Variants in SAMD3 observed in about 807,000 individuals in gnomAD.
The protein encoded by SAMD3 is sterile alpha motif domain containing 3.
Under a neutral mutation model 58.5 loss-of-function variants are expected in SAMD3, and 63 were observed. That is an observed-to-expected ratio of 1.08 (90% CI 0.88 to 1.33). The LOEUF (loss-of-function observed/expected upper bound fraction) is 1.33. Ranked by LOEUF, SAMD3 falls within the 40% of genes most tolerant of loss-of-function variation. The probability of loss-of-function intolerance (pLI) is 0.00; values close to 1 mark genes in which losing one functional copy is unlikely to be tolerated. For missense variants in SAMD3, 604 were observed against 608.4 expected (o/e 0.99, Z 0.08); for synonymous variants, 220 against 210.3 (o/e 1.05, Z -0.40).
At chr6:130,248,712 C>G (rs181138253) in intron 2 of SAMD3, among the ~76,000 whole-genome samples, 2 of 152,190 alleles carry the variant, frequency 1.3e-5, no homozygotes, top group East Asian at 3.9e-4. Flanking sequence ...AAACCATGGG[C>G]AGAACTCTGC....
At chr6:130,264,901 G>T (rs1824811) in intron 2 of SAMD3, among the ~76,000 whole-genome samples, 2 of 151,784 alleles carry the variant, frequency 1.3e-5, no homozygotes, top group Non-Finnish European at 2.9e-5. Context: ...ACTGTAGGGC[G>T]CTGGCAAAGG....
chr6:130,302,984 A>C (rs998366556), intron 2 of SAMD3, among the ~76,000 whole-genome samples: 1 of 152,168 alleles, frequency 6.6e-6, no homozygotes, highest in Admixed American at 6.5e-5. Context: ...TTGGGTGGCG[A>C]GTTAACTACA....
chr6:130,308,349 A>AATTCTATTCTATTCTATTCT lies in SAMD3; in HGVS notation c.-188+4609_-188+4628dup, dbSNP rs68138988. ...CCTCCTCAATTTGGCAAGTTCATAG[A>AATTCTATTCTATTCTATTCT]ATTCTATTCTATTCTATTCTATTCT... On this transcript the variant is annotated intron_variant, in intron 2 of 13. Coordinates refer to the SAMD3 transcript ENST00000368134. Among the ~76,000 whole-genome samples the AATTCTATTCTATTCTATTCT allele has an allele frequency of 1.4e-3, 97 of 69,556 alleles. 1 individual carries two copies. The highest frequency in any genetic ancestry group is 2.0e-3 in the Admixed American group (13 of 6,508). The allele number at this position is 69,556 out of a possible 152,430, so 45.6% of individuals were successfully genotyped here. A position where few individuals can be genotyped will look rare whatever the true frequency, so the allele number is the denominator to read the frequency against.
chr6:130,264,628 T>C (rs12196934), intron 2 of SAMD3, among the ~76,000 whole-genome samples: 47,287 of 152,036 alleles, frequency 0.31, 7,734 homozygotes, highest in East Asian at 0.47. Flanking sequence ...TTAGATGCAA[T>C]TGGAGCCCTG....
chr6:130,318,719 G>A (rs1321332968), intron 1 of SAMD3, among the ~76,000 whole-genome samples: 3 of 152,150 alleles, frequency 2.0e-5, no homozygotes, highest in African/African-American at 4.8e-5. Flanking sequence ...ATGAGCCACT[G>A]TGCCCAGCCC....
At chr6:130,203,610 A>C (rs1162723435) in intron 5 of SAMD3, among the ~76,000 whole-genome samples, 1 of 152,236 alleles carries the variant, frequency 6.6e-6, no homozygotes, top group Non-Finnish European at 1.5e-5. Context: ...GTGGTTACAT[A>C]TATTTCAATT....
intron 1 of SAMD3, among the ~76,000 whole-genome samples, chr6:130,337,381 G>A (rs1017883706): frequency 1.5e-4 from 23 of 152,122 alleles, no homozygotes; most frequent in African/African-American, 5.3e-4. Context: ...TCAATAAGAC[G>A]TGTCATAAAA....
At chr6:130,280,752 G>C (rs1437152488) in intron 2 of SAMD3, among the ~76,000 whole-genome samples, 1 of 152,104 alleles carries the variant, frequency 6.6e-6, no homozygotes, top group African/African-American at 2.4e-5. Context: ...TCTAAAGATA[G>C]TCTTTATCTT....
intron 2 of SAMD3, among the ~76,000 whole-genome samples, chr6:130,310,216 G>A (rs184933274): frequency 2.4e-4 from 36 of 152,204 alleles, no homozygotes; most frequent in African/African-American, 6.0e-4. Flanking sequence ...TATCATCACC[G>A]TAATTGCTTC....
At chr6:130,329,976 A>C (rs905611614) in intron 1 of SAMD3, among the ~76,000 whole-genome samples, 2 of 152,166 alleles carry the variant, frequency 1.3e-5, no homozygotes, top group Non-Finnish European at 2.9e-5. Context: ...GCAGGGCTTA[A>C]AACCTAGATG....
At chr6:130,353,964 A>G (rs543785987) in intron 1 of SAMD3, among the ~76,000 whole-genome samples, 2 of 152,332 alleles carry the variant, frequency 1.3e-5, no homozygotes, top group East Asian at 3.9e-4. Context: ...AGGAACGTAA[A>G]CAACTTTGCA....
chr6:130,324,790 T>C (rs905053974), intron 1 of SAMD3, among the ~76,000 whole-genome samples: 3 of 149,136 alleles, frequency 2.0e-5, no homozygotes, highest in Non-Finnish European at 4.5e-5. Flanking sequence ...TTTTTTGGAA[T>C]AGAAAAATGT....
downstream of SAMD3, chr6:130,144,272 T>TTAAC: frequency 2.1e-6 from 1 of 477,400 alleles, no homozygotes; most frequent in East Asian, 3.7e-5. Flanking sequence ...AAAATATAAC[T>TTAAC]TAACTGCGGA....
At chr6:130,220,095 G>A (rs915854176) in intron 1 of SAMD3, among the ~76,000 whole-genome samples, 9 of 152,064 alleles carry the variant, frequency 5.9e-5, no homozygotes, top group African/African-American at 2.2e-4. Flanking sequence ...TCCACCTCCC[G>A]GATTCAAGCC....
chr6:130,220,038 G>A (rs1401856850), intron 1 of SAMD3, among the ~76,000 whole-genome samples: 1 of 152,096 alleles, frequency 6.6e-6, no homozygotes, highest in Non-Finnish European at 1.5e-5. Context: ...GTCTCGCTCT[G>A]TCATCCAGAC....
chr6:130,209,961 C>G (rs1383444396), intron 4 of SAMD3, among the ~76,000 whole-genome samples: 2 of 152,188 alleles, frequency 1.3e-5, no homozygotes, highest in Non-Finnish European at 2.9e-5. Context: ...AAATAGTAAA[C>G]TCTGCCAGAT....
At chr6:130,227,798 A>AG (rs1796426131), upstream of SAMD3, among the ~76,000 whole-genome samples, 1 of 151,840 alleles carries the variant, frequency 6.6e-6, no homozygotes, top group African/African-American at 2.4e-5. Flanking sequence ...CAAAAAAAAA[A>AG]AAAAGAAAAG....
chr6:130,185,556 T>A (rs2114713288), intron 5 of SAMD3, among the ~76,000 whole-genome samples: 1 of 151,892 alleles, frequency 6.6e-6, no homozygotes, highest in East Asian at 1.9e-4. Flanking sequence ...CTCAATCTCC[T>A]GACCTCGTGA....
intron 9 of SAMD3, among the ~76,000 whole-genome samples, chr6:130,149,056 A>ATC (rs1788896567): frequency 6.6e-6 from 1 of 152,208 alleles, no homozygotes; most frequent in Non-Finnish European, 1.5e-5. Context: ...ATAAAGACTA[A>ATC]AACCATGAAT....
Sources: allele counts gnomAD v4.1 joint callset (sites outside exome capture counted in the v4.1 genomes callset), GRCh38; gene constraint gnomAD v4.1.1; transcripts MANE v1.5; gene names NCBI Gene and HGNC (gene_info 2026-07-23, HGNC 2026-07-21).